GAB1: variants seen among roughly 807,000 people sequenced by gnomAD.
The protein encoded by GAB1 is GRB2 associated binding protein 1.
GAB1 carries 19 observed loss-of-function variants against 66.5 expected under a neutral mutation model. The observed-to-expected ratio is 0.29, with a 90% CI of 0.20 to 0.42. GAB1 has a LOEUF of 0.42. GAB1 is among the 10% of genes least tolerant of loss of function. GAB1 has a pLI of 1.00. For missense variants in GAB1, 732 were observed against 858.5 expected (o/e 0.85, Z 1.84); for synonymous variants, 294 against 301.4 (o/e 0.98, Z 0.25).
Position 143,337,218 on chromosome 4 carries a change from A to C in GAB1, c.30A>C (p.Gly10=). Residue 10 remains glycine (G), a synonymous_variant, in exon 1 of 10, where the codon GGA becomes GGC. Transcript: ENST00000262994. MSGGEVVCS[G]WLRKSPPEKK... ...GCGGTGGTGAAGTGGTCTGCTCCGGATGGCTCCGCAAGTCCCCCCCGGAGA... is the reference window on the plus strand; with the variant it reads ...GCGGTGGTGAAGTGGTCTGCTCCGGCTGGCTCCGCAAGTCCCCCCCGGAGA... 4 of 1,585,964 alleles carry C rather than the reference A, an allele frequency of 2.5e-6. No individual in the cohort carries two copies. Among genetic ancestry groups the C allele is most frequent in the Non-Finnish European group, 3.4e-6 (4 of 1,166,054 alleles).
Position 143,336,994 on chromosome 4 carries a change from G to C in GAB1, c.-195G>C, listed in dbSNP as rs955661354. 4 of 563,422 alleles carry C rather than the reference G, an allele frequency of 7.1e-6. No homozygotes were observed. Among genetic ancestry groups the C allele is most frequent in the South Asian group, 4.6e-5 (2 of 43,916 alleles). 34.9% of individuals were successfully genotyped at this position (563,422 alleles called of 1,614,324 possible). On this transcript the variant is annotated 5_prime_UTR_variant, in exon 1 of 10. Coordinates refer to ENST00000262994, the MANE Select transcript of GAB1 (RefSeq NM_002039.4). ...GCGGCCCCGGCTCGCGTTCTGTTCA[G>C]GTTCGTGGGCCTGCAGAGGAGAGAC...
chr4:143,421,666 TTTC>T (rs1189756333), intron 2 of GAB1, among the ~76,000 whole-genome samples: 1 of 150,718 alleles, frequency 6.6e-6, no homozygotes, highest in African/African-American at 2.4e-5. Context: ...TTAGGTTTTT[TTTC>T]TTTTTCTTTT....
chr4:143,422,902 A>G (rs890596295), intron 2 of GAB1, among the ~76,000 whole-genome samples: 3 of 152,266 alleles, frequency 2.0e-5, no homozygotes, highest in African/African-American at 4.8e-5. Flanking sequence ...AATTTTACAC[A>G]CATAAGCAAA....
intron 1 of GAB1, among the ~76,000 whole-genome samples, chr4:143,398,819 G>A (rs570149428): frequency 1.3e-5 from 2 of 152,228 alleles, no homozygotes; most frequent in South Asian, 2.1e-4. Context: ...CAGCACTTTG[G>A]GAAGCTGAGG....
At chr4:143,425,482 C>T (rs933905804) in intron 2 of GAB1, 18 of 761,286 alleles carry the variant, frequency 2.4e-5, no homozygotes, top group Middle Eastern at 2.6e-4. Flanking sequence ...CCTACCATTG[C>T]TCTGTGTAAC....
rs1208957508 is a variant in GAB1 at position 143,393,806 on chromosome 4, CTG to C, written c.73-21669_73-21668del. 2.6e-5 allele frequency among the ~76,000 whole-genome samples: 4 copies of C among 152,106 alleles called. No individual in the cohort carries two copies. The South Asian group carries it at 6.2e-4, about 24-fold the overall frequency. On this transcript the variant is annotated intron_variant, in intron 1 of 9. Transcript: ENST00000262994. ...AAAAAATGCTTGAAAACATAAAAAA[CTG>C]TAACCACAGCTGCTTTTTAAGAAAA...
chr4:143,410,350 C>G (rs867267796), intron 1 of GAB1, among the ~76,000 whole-genome samples: 1 of 152,108 alleles, frequency 6.6e-6, no homozygotes, highest in Non-Finnish European at 1.5e-5. Context: ...GTTAATTAGG[C>G]AAAATTTGTG....
At chr4:143,365,473 G>T (rs899599364) in intron 1 of GAB1, among the ~76,000 whole-genome samples, 2 of 152,120 alleles carry the variant, frequency 1.3e-5, no homozygotes, top group African/African-American at 2.4e-5. Context: ...ACCAAGATGT[G>T]CTTGCTTGGT....
intron 2 of GAB1, chr4:143,425,206 G>T (rs376122711): frequency 2.3e-6 from 2 of 866,744 alleles, no homozygotes; most frequent in African/African-American, 3.3e-5. Context: ...AATCTGAAGA[G>T]GACCTGGGAG....
chr4:143,429,331 T>A (rs1429542767), intron 2 of GAB1, among the ~76,000 whole-genome samples: 1 of 152,220 alleles, frequency 6.6e-6, no homozygotes, highest in Admixed American at 6.5e-5. Flanking sequence ...CTTGAACTCC[T>A]GACCACAAGT....
intron 1 of GAB1, among the ~76,000 whole-genome samples, chr4:143,370,687 A>C (rs1441490230): frequency 6.6e-6 from 1 of 151,924 alleles, no homozygotes; most frequent in Admixed American, 6.6e-5. Context: ...TCCTAATGCT[A>C]TCTCTCCCCG....
chr4:143,417,397 TTTATTA>T (rs993750837), intron 2 of GAB1: 2 of 420,478 alleles, frequency 4.8e-6, no homozygotes, highest in South Asian at 3.5e-5. Context: ...CGGGTACTTT[TTTATTA>T]TTATTATTAT....
chr4:143,472,986 C>T lies in GAB1; in HGVS notation c.*3797C>T, dbSNP rs1422674183. 1 of 152,148 alleles carries T rather than the reference C, an allele frequency of 6.6e-6. No homozygotes were observed. Among genetic ancestry groups the T allele is most frequent in the African/African-American group, 2.4e-5 (1 of 41,426 alleles). The allele number at this position is 152,148 out of a possible 1,614,324, so 9.4% of individuals were successfully genotyped here. ...TCAGCTTGAGAAAGTTGTTTTTAATCTGTCTAAATAGTTCATGCATTACTA... is the reference window on the plus strand; with the variant it reads ...TCAGCTTGAGAAAGTTGTTTTTAATTTGTCTAAATAGTTCATGCATTACTA... On this transcript the variant is annotated 3_prime_UTR_variant, in exon 10 of 10. Transcript: ENST00000262994.
intron 6 of GAB1, among the ~76,000 whole-genome samples, chr4:143,454,172 A>G (rs982453841): frequency 1.6e-4 from 25 of 152,254 alleles, no homozygotes; most frequent in East Asian, 1.5e-3. Context: ...TGTTGTAAAC[A>G]CATCCGTATT....
chr4:143,439,569 TCA>T lies in GAB1; in HGVS notation c.1196-229_1196-228del, dbSNP rs1207125150. 3 of 450,258 alleles carry T rather than the reference TCA, an allele frequency of 6.7e-6. No individual in the cohort carries two copies. In the East Asian group the frequency reaches 1.1e-4, roughly 16 times the overall value. 27.9% of individuals were successfully genotyped at this position (450,258 alleles called of 1,614,324 possible). Reference sequence around the variant, plus strand: ...TCTTATCCCAGACTTAGACATTCACTCACACTCAAAATTAGATATTGGTATTG... The same window carrying T: ...TCTTATCCCAGACTTAGACATTCACTCACTCAAAATTAGATATTGGTATTG... On this transcript the variant is annotated intron_variant, in intron 4 of 9. Coordinates refer to ENST00000262994, the MANE Select transcript of GAB1 (RefSeq NM_002039.4).
intron 1 of GAB1, among the ~76,000 whole-genome samples, chr4:143,374,300 G>T (rs1553945801): frequency 6.6e-6 from 1 of 152,088 alleles, no homozygotes; most frequent in Non-Finnish European, 1.5e-5. Flanking sequence ...GTCACTGAGG[G>T]TTTGTATTGG....
intron 1 of GAB1, among the ~76,000 whole-genome samples, chr4:143,369,490 G>A (rs188287590): frequency 9.2e-5 from 14 of 152,294 alleles, no homozygotes; most frequent in African/African-American, 3.1e-4. Flanking sequence ...AAAAATCAAT[G>A]CAGGATGAAA....
intron 1 of GAB1, among the ~76,000 whole-genome samples, chr4:143,358,512 T>A (rs1231177328): frequency 1.3e-5 from 2 of 152,224 alleles, no homozygotes; most frequent in Non-Finnish European, 1.5e-5. Context: ...TTTCGTGATA[T>A]GCGTTCAACA....
At chr4:143,442,075 C>A (rs1372567754) in intron 6 of GAB1, among the ~76,000 whole-genome samples, 2 of 152,152 alleles carry the variant, frequency 1.3e-5, no homozygotes, top group African/African-American at 4.8e-5. Context: ...CTATTTTAGA[C>A]AACTACTAGT....
Sources: allele counts gnomAD v4.1 joint callset (sites outside exome capture counted in the v4.1 genomes callset), GRCh38; gene constraint gnomAD v4.1.1; transcripts MANE v1.5; gene names NCBI Gene and HGNC (gene_info 2026-07-23, HGNC 2026-07-21).